The following MAP4K5 variants were observed in gnomAD, a reference collection of about 807,000 sequenced individuals.
MAP4K5 encodes mitogen-activated protein kinase kinase kinase kinase 5.
In MAP4K5, 82 loss-of-function variants were observed where a neutral mutation model predicts 135.6. That is an observed-to-expected ratio of 0.60 (90% CI 0.51 to 0.73). The LOEUF is 0.73. Ranked by LOEUF, MAP4K5 falls within the 30% of genes least tolerant of loss-of-function variation. The pLI, the probability that MAP4K5 is intolerant of heterozygous loss-of-function variation, is 0.00. For missense variants in MAP4K5, 907 were observed against 1,010.9 expected (o/e 0.90, Z 1.39); for synonymous variants, 347 against 335.0 (o/e 1.04, Z -0.39).
At chr14:50,440,554 A>C in intron 21 of MAP4K5, 113 bp from the exon 22 acceptor site, 1 of 559,032 alleles carries the variant, frequency 1.8e-6, no homozygotes, top group Non-Finnish European at 3.2e-6. Context: ...ATCCATCTAA[A>C]ATAAAATTAT....
chr14:50,535,788 CA>C (rs1196712975), upstream of MAP4K5, among the ~76,000 whole-genome samples: 1 of 152,144 alleles, frequency 6.6e-6, no homozygotes. Flanking sequence ...AATTGATCAT[CA>C]GATATGTTAC....
At chr14:50,450,265 T>A (rs2036453401) in intron 14 of MAP4K5, 1 of 152,096 alleles carries the variant, frequency 6.6e-6, no homozygotes. Flanking sequence ...ATAACAGAAA[T>A]TGGACTTACC....
intron 3 of MAP4K5, among the ~76,000 whole-genome samples, chr14:50,504,290 T>C (rs1018929568): frequency 1.2e-4 from 19 of 152,052 alleles, no homozygotes; most frequent in African/African-American, 4.3e-4. Flanking sequence ...GATATCAAAA[T>C]CATAAAACCG....
chr14:50,433,933 G>C (rs1415340492), intron 28 of MAP4K5, among the ~76,000 whole-genome samples: 1 of 152,130 alleles, frequency 6.6e-6, no homozygotes, highest in African/African-American at 2.4e-5. Context: ...CTTTCACTGA[G>C]ATATGTCTGA....
At chr14:50,447,101 G>C (rs1275907149) in intron 16 of MAP4K5, among the ~76,000 whole-genome samples, 1 of 152,128 alleles carries the variant, frequency 6.6e-6, no homozygotes, top group Non-Finnish European at 1.5e-5. Context: ...TCACTTAATT[G>C]TAGAGGTAAC....
intron 2 of MAP4K5, among the ~76,000 whole-genome samples, chr14:50,522,717 A>C (rs545579431): frequency 1.3e-5 from 2 of 152,316 alleles, no homozygotes; most frequent in African/African-American, 4.8e-5. Flanking sequence ...AGTCTCTCAT[A>C]ATGTCAGACA....
chr14:50,518,253 TAAACTC>T (rs1261744600), intron 2 of MAP4K5, among the ~76,000 whole-genome samples: 1 of 152,216 alleles, frequency 6.6e-6, no homozygotes, highest in Non-Finnish European at 1.5e-5. Flanking sequence ...TGCTAGCTCC[TAAACTC>T]ATTAATTTTT....
rs375177382 is a variant in MAP4K5 at position 50,502,874 on chromosome 14, A to G, written c.166+1926T>C. ...TGGGAAACTAGCCATTTGAAAAAAT[A>G]CATAGAGAGAGTTCTCTTTCATCCC... On this transcript the variant is annotated intron_variant, in intron 3 of 32. Coordinates refer to ENST00000682126, the MANE Select transcript of MAP4K5 (RefSeq NM_006575.6). Among the ~76,000 whole-genome samples the G allele has an allele frequency of 7.2e-5, 11 of 152,234 alleles. No individual in the cohort carries two copies. The East Asian group carries it at 7.7e-4, about 11-fold the overall frequency.
In MAP4K5 at chr14:50,554,493, G is replaced by T. The variant is rs143479590; in HGVS notation, c.-180+6547C>A. Among the ~76,000 whole-genome samples, 303 of 152,296 alleles carry T rather than the reference G, an allele frequency of 2.0e-3. 1 individual carries two copies. Among genetic ancestry groups the T allele is most frequent in the African/African-American group, 6.8e-3 (281 of 41,564 alleles). ...AGAATATAAAGAGCTGGGGAATGGG[G>T]TGGATTGTAGTGTGATGTGTCCCCA... On this transcript the variant is annotated intron_variant, in intron 1 of 8. Coordinates refer to the MAP4K5 transcript ENST00000555216.
chr14:50,420,226 C>T (rs930142111), intron 32 of MAP4K5, 120 bp from the exon 33 acceptor site: 2 of 678,914 alleles, frequency 2.9e-6, no homozygotes, highest in African/African-American at 3.6e-5. Flanking sequence ...GTAAGGATCA[C>T]AGACGCACAA....
chr14:50,428,653 G>T lies in MAP4K5; in HGVS notation c.2326+9C>A. ...TCGCAAACTGATTTATGAAAAAAAG[G>T]AAACTTACCTACAGATTCAATGCGA... On this transcript the variant is annotated intron_variant, in intron 30 of 32. Transcript: ENST00000682126. 6.9e-7 allele frequency: 1 copy of T among 1,450,512 alleles called. No individual in the cohort carries two copies. Among genetic ancestry groups the T allele is most frequent in the South Asian group, 1.3e-5 (1 of 74,096 alleles). 89.9% of individuals were successfully genotyped at this position (1,450,512 alleles called of 1,614,324 possible). A position where few individuals can be genotyped will look rare whatever the true frequency, so the allele number is the denominator to read the frequency against.
chr14:50,501,600 G>A (rs1224991531), intron 3 of MAP4K5, among the ~76,000 whole-genome samples: 1 of 151,992 alleles, frequency 6.6e-6, no homozygotes, highest in Non-Finnish European at 1.5e-5. Context: ...AACCTAGAAA[G>A]GATAATGATA....
intron 28 of MAP4K5, among the ~76,000 whole-genome samples, chr14:50,432,577 C>A (rs534447953): frequency 0.02 from 2,510 of 128,036 alleles, 166 homozygotes; most frequent in African/African-American, 0.084. Context: ...AAAAAAAAAA[C>A]AAAAAAACGC....
At chr14:50,452,999 G>T (rs908135964) in intron 14 of MAP4K5, among the ~76,000 whole-genome samples, 2 of 152,128 alleles carry the variant, frequency 1.3e-5, no homozygotes, top group Admixed American at 6.5e-5. Context: ...TGGAGGTTTT[G>T]GACTGTTGAC....
chr14:50,436,224 G>T (rs2036088967), intron 26 of MAP4K5, among the ~76,000 whole-genome samples: 1 of 152,056 alleles, frequency 6.6e-6, no homozygotes, highest in Non-Finnish European at 1.5e-5. Flanking sequence ...GTTGTTTAAG[G>T]GTTAAATGAG....
rs1407439971 is a variant in MAP4K5, at chr14:50,447,479, T to C, written c.1077A>G (p.Gly359=). The part of the protein sequence containing the change: ...RKETEARDEM[G]LSSDPNFMLQ... ...ACATGAAATTTGGGTCTGATGACAA[T>C]CCCTGTAAAGATAAAAATATAGTTT... is the stretch of plus-strand genomic sequence containing the variant. Residue 359 remains glycine (G), a splice_region_variant and synonymous_variant, in exon 16 of 33, where the codon GGA becomes GGG. Coordinates refer to ENST00000682126, the MANE Select transcript of MAP4K5 (RefSeq NM_006575.6). 4 of 1,527,746 alleles carry C rather than the reference T, an allele frequency of 2.6e-6. No individual in the cohort carries two copies. In the East Asian group the frequency reaches 7.3e-5, roughly 28 times the overall value. 94.6% of individuals were successfully genotyped at this position (1,527,746 alleles called of 1,614,324 possible). A position where few individuals can be genotyped will look rare whatever the true frequency, so the allele number is the denominator to read the frequency against.
chr14:50,483,341 G>A (rs1462164911), intron 5 of MAP4K5, among the ~76,000 whole-genome samples: 3 of 152,114 alleles, frequency 2.0e-5, no homozygotes, highest in African/African-American at 7.2e-5. Context: ...TCGGGACTAT[G>A]CCTTTCAGTA....
intron 31 of MAP4K5, among the ~76,000 whole-genome samples, chr14:50,424,361 T>C (rs1167415769): frequency 6.6e-6 from 1 of 152,078 alleles, no homozygotes; most frequent in Non-Finnish European, 1.5e-5. Context: ...GTCAAGACTT[T>C]AGCTAGGCCC....
intron 26 of MAP4K5, among the ~76,000 whole-genome samples, chr14:50,436,747 T>G (rs1209180619): frequency 2.6e-5 from 4 of 152,140 alleles, no homozygotes; most frequent in African/African-American, 4.8e-5. Context: ...GGTTGTGTGT[T>G]CTGCCACATA....
Sources: gnomAD v4.1 joint callset for allele counts (sites outside exome capture counted in the v4.1 genomes callset) on GRCh38, gnomAD v4.1.1 for gene constraint, MANE v1.5 for transcripts, NCBI Gene and HGNC (gene_info 2026-07-23, HGNC 2026-07-21) for gene names.